The following TENM2 variants were observed in gnomAD, a reference collection of about 807,000 sequenced individuals.
The protein encoded by TENM2 is teneurin transmembrane protein 2.
In TENM2, 52 loss-of-function variants were observed where a neutral mutation model predicts 245.2. The ratio of observed to expected loss-of-function variants is 0.21; its 90% CI spans 0.17 to 0.27. TENM2 has a LOEUF of 0.27. Ranked by LOEUF, TENM2 falls within the 10% of genes least tolerant of loss-of-function variation. The pLI, the probability that TENM2 is intolerant of heterozygous loss-of-function variation, is 1.00. For missense variants in TENM2, 3,046 were observed against 3,666.8 expected (o/e 0.83, Z 4.37); for synonymous variants, 1,363 against 1,438.9 (o/e 0.95, Z 1.19).
At chr5:168,138,724 C>A (rs975338285) in intron 12 of TENM2, among the ~76,000 whole-genome samples, 2 of 152,218 alleles carry the variant, frequency 1.3e-5, no homozygotes, top group African/African-American at 4.8e-5. Context: ...AATAAGAAAG[C>A]CACACACATC....
intron 2 of TENM2, among the ~76,000 whole-genome samples, chr5:167,638,856 G>A (rs1779380179): frequency 6.6e-6 from 1 of 152,200 alleles, no homozygotes; most frequent in East Asian, 1.9e-4. Flanking sequence ...GAGGAGATCT[G>A]TAGTTACTCT....
At chr5:167,558,922 C>A (rs561751292) in intron 2 of TENM2, among the ~76,000 whole-genome samples, 6 of 151,726 alleles carry the variant, frequency 4.0e-5, no homozygotes, top group Non-Finnish European at 8.8e-5. Context: ...TAGGTACAGT[C>A]AGCAGTAAAA....
At chr5:167,260,269 G>A in the TENM2 span, among the ~76,000 whole-genome samples, 13 of 151,908 alleles carry the variant, frequency 8.6e-5, no homozygotes, top group Non-Finnish European at 1.8e-4. Context: ...AGTAGAATTA[G>A]CATTGTTTGT....
chr5:167,657,206 A>G (rs187992586), intron 2 of TENM2, among the ~76,000 whole-genome samples: 26 of 152,122 alleles, frequency 1.7e-4, no homozygotes, highest in Non-Finnish European at 3.2e-4. Flanking sequence ...TTTATCTTTC[A>G]CATGAGTGAG....
chr5:167,872,502 AAG>A (rs1318582897), intron 2 of TENM2, among the ~76,000 whole-genome samples: 3 of 14,692 alleles, frequency 2.0e-4, no homozygotes, highest in Non-Finnish European at 2.8e-4. Flanking sequence ...GAAAGAAAGA[AAG>A]AAAGAAAGAA....
chr5:167,323,936 T>G (rs967507107), intron 1 of TENM2, among the ~76,000 whole-genome samples: 1 of 152,142 alleles, frequency 6.6e-6, no homozygotes, highest in Non-Finnish European at 1.5e-5. Flanking sequence ...ATCTGGGTCT[T>G]AAAAAGTCCA....
the TENM2 span, among the ~76,000 whole-genome samples, chr5:167,128,552 TTA>T: frequency 0.013 from 1,946 of 148,880 alleles, 32 homozygotes; most frequent in African/African-American, 0.046. Context: ...TAGACTTTCA[TTA>T]AAAAAAAAAA....
chr5:167,973,410 G>T (rs1052677542), intron 4 of TENM2, among the ~76,000 whole-genome samples: 1 of 152,204 alleles, frequency 6.6e-6, no homozygotes, highest in African/African-American at 2.4e-5. Flanking sequence ...ATTTGTAGGG[G>T]CCCAACACGC....
intron 2 of TENM2, among the ~76,000 whole-genome samples, chr5:167,572,397 T>A (rs1273515143): frequency 2.0e-5 from 3 of 152,198 alleles, no homozygotes; most frequent in African/African-American, 4.8e-5. Flanking sequence ...GGTTTTTCTA[T>A]TTTTTATGTT....
intron 26 of TENM2, among the ~76,000 whole-genome samples, chr5:168,245,697 G>A (rs1766500912): frequency 6.6e-6 from 1 of 152,006 alleles, no homozygotes; most frequent in Admixed American, 6.6e-5. Context: ...CCTTGGTGCA[G>A]GTCCATTCCT....
At chr5:167,927,487 G>A (rs533013853) in intron 3 of TENM2, among the ~76,000 whole-genome samples, 33 of 152,222 alleles carry the variant, frequency 2.2e-4, no homozygotes, top group African/African-American at 6.5e-4. Context: ...GGACACCAAC[G>A]GGGCTTATGT....
chr5:167,683,249 C>CT (rs1554100261), intron 2 of TENM2, among the ~76,000 whole-genome samples: 20 of 67,318 alleles, frequency 3.0e-4, no homozygotes, highest in Middle Eastern at 7.6e-3. Flanking sequence ...AGGACCATGT[C>CT]TTTTTTTTTT....
chr5:167,834,852 G>A (rs992305196), intron 2 of TENM2, among the ~76,000 whole-genome samples: 19 of 151,982 alleles, frequency 1.3e-4, no homozygotes, highest in East Asian at 3.9e-4. Flanking sequence ...GGGTTTCACC[G>A]TGTTAGCCAG....
At chr5:167,952,564 A>C (rs1300931470) in intron 3 of TENM2, 24 bp from the exon 6 acceptor site, 1 of 1,572,214 alleles carries the variant, frequency 6.4e-7, no homozygotes, top group East Asian at 2.3e-5. Flanking sequence ...AGACGCTAAC[A>C]GTCATTTCTC....
intron 2 of TENM2, among the ~76,000 whole-genome samples, chr5:167,535,131 A>G (rs1287750104): frequency 6.6e-6 from 1 of 151,954 alleles, no homozygotes; most frequent in African/African-American, 2.4e-5. Flanking sequence ...ATCTCTTCAG[A>G]AGATTCCAGT....
chr5:168,184,668 G>C (rs1166701511), intron 13 of TENM2, among the ~76,000 whole-genome samples: 1 of 152,292 alleles, frequency 6.6e-6, no homozygotes, highest in South Asian at 2.1e-4. Flanking sequence ...GCCTCCTCCA[G>C]GCAGAAAGGT....
intron 1 of TENM2, among the ~76,000 whole-genome samples, chr5:167,301,898 G>A (rs529874666): frequency 1.4e-4 from 21 of 152,222 alleles, no homozygotes; most frequent in Non-Finnish European, 2.9e-4. Flanking sequence ...GAGGGGAGGT[G>A]ATAAAAGGAT....
chr5:168,006,807 C>T (rs1375738985), intron 5 of TENM2, among the ~76,000 whole-genome samples: 1 of 152,156 alleles, frequency 6.6e-6, no homozygotes, highest in Non-Finnish European at 1.5e-5. Context: ...AGAGAAAGGT[C>T]GCTTTCTCCT....
the TENM2 span, among the ~76,000 whole-genome samples, chr5:167,258,241 A>G: frequency 4.6e-4 from 66 of 144,660 alleles, no homozygotes; most frequent in East Asian, 1.3e-3. Context: ...ATATATATAT[A>G]TGTATATATA....
Sources: allele counts gnomAD v4.1 joint callset (sites outside exome capture counted in the v4.1 genomes callset), GRCh38; gene constraint gnomAD v4.1.1; transcripts MANE v1.5; gene names NCBI Gene and HGNC (gene_info 2026-07-23, HGNC 2026-07-21).